Variants in HDAC9 observed in about 807,000 individuals in gnomAD.
The protein encoded by HDAC9 is histone deacetylase 9.
Under a neutral mutation model 139.4 loss-of-function variants are expected in HDAC9, and 41 were observed. That is an observed-to-expected ratio of 0.29 (90% CI 0.23 to 0.38). The LOEUF is 0.38. Among genes scored for constraint, HDAC9 ranks in the 10% least tolerant of loss-of-function variants. The pLI is 1.00. For missense variants in HDAC9, 1,147 were observed against 1,297.0 expected, an observed-to-expected ratio of 0.88 and a Z score of 1.78; for synonymous variants, 517 against 476.2, an observed-to-expected ratio of 1.09 and a Z score of -1.12.
At chr7:18,168,615 C>A (rs973076868) in intron 2 of HDAC9, among the ~76,000 whole-genome samples, 1 of 150,278 alleles carries the variant, frequency 6.7e-6, no homozygotes, top group Non-Finnish European at 1.5e-5. Context: ...GCTTGTGTTG[C>A]AGTACTATAA....
intron 22 of HDAC9, among the ~76,000 whole-genome samples, chr7:18,895,510 G>T (rs930343609): frequency 1.3e-5 from 2 of 152,086 alleles, no homozygotes; most frequent in Non-Finnish European, 2.9e-5. Flanking sequence ...TAATCAAAAG[G>T]ACGAGAGCAT....
intron 1 of HDAC9, among the ~76,000 whole-genome samples, chr7:18,442,272 G>T (rs1791854541): frequency 6.6e-6 from 1 of 152,108 alleles, no homozygotes; most frequent in African/African-American, 2.4e-5. Context: ...GTATAAGAGT[G>T]GTTGGGAAGA....
chr7:18,346,711 A>T (rs1320472850), intron 1 of HDAC9, among the ~76,000 whole-genome samples: 1 of 152,136 alleles, frequency 6.6e-6, no homozygotes, highest in Admixed American at 6.6e-5. Context: ...GGTCAATGGG[A>T]TCGAAAGACA....
intron 1 of HDAC9, among the ~76,000 whole-genome samples, chr7:18,291,503 T>TAA (rs1797806944): frequency 6.6e-6 from 1 of 152,054 alleles, no homozygotes; most frequent in African/African-American, 2.4e-5. Context: ...GCTGGGAACA[T>TAA]AGAGTGCTCA....
At chr7:18,324,068 C>T (rs1427848832) in intron 1 of HDAC9, among the ~76,000 whole-genome samples, 2 of 151,872 alleles carry the variant, frequency 1.3e-5, no homozygotes, top group African/African-American at 2.4e-5. Flanking sequence ...AAAAGCCCCA[C>T]GTCCAAATAC....
At chr7:18,289,859 G>A (rs1026247934), upstream of HDAC9, among the ~76,000 whole-genome samples, 1 of 152,092 alleles carries the variant, frequency 6.6e-6, no homozygotes, top group African/African-American at 2.4e-5. Flanking sequence ...TTCAGAGGAT[G>A]TCTAATTTTC....
At chr7:18,454,156 G>T (rs1162793251) in intron 1 of HDAC9, among the ~76,000 whole-genome samples, 6 of 152,040 alleles carry the variant, frequency 3.9e-5, no homozygotes, top group Non-Finnish European at 8.8e-5. Context: ...TCTAGGAATT[G>T]TCCGATACAT....
At chr7:18,507,373 T>G (rs1800119695) in intron 2 of HDAC9, among the ~76,000 whole-genome samples, 1 of 151,428 alleles carries the variant, frequency 6.6e-6, no homozygotes, top group Non-Finnish European at 1.5e-5. Flanking sequence ...TTTTGTATTT[T>G]TAGTAGAGAC....
chr7:18,902,124 T>G (rs1463098039), intron 22 of HDAC9, among the ~76,000 whole-genome samples: 1 of 152,232 alleles, frequency 6.6e-6, no homozygotes, highest in African/African-American at 2.4e-5. Context: ...TCAGGGAGAA[T>G]GTACTGCATC....
intron 1 of HDAC9, among the ~76,000 whole-genome samples, chr7:18,477,019 A>T (rs373650929): frequency 1.3e-5 from 2 of 152,242 alleles, no homozygotes; most frequent in African/African-American, 4.8e-5. Flanking sequence ...CCACTTACAA[A>T]TATAGGAATT....
intron 6 of HDAC9, among the ~76,000 whole-genome samples, chr7:18,598,614 A>G (rs141273614): frequency 2.1e-3 from 321 of 152,352 alleles, no homozygotes; most frequent in African/African-American, 6.9e-3. Flanking sequence ...TTAGGATCAT[A>G]CCTAGGATTT....
At position 18,343,877 on chromosome 7, in the gene HDAC9, ATATT is replaced by A. The variant is rs563917300; in HGVS notation, c.-42+53368_-42+53371del. 3.0e-3 allele frequency among the ~76,000 whole-genome samples: 459 copies of A among 152,026 alleles called. 2 individuals carry two copies. The highest frequency in any genetic ancestry group is 0.011 in the African/African-American group (438 of 41,548). ...TTTTATCAAAAAGTAAGCATAGATGATATTTATTTTAGGATACCCACTAAAGTAA... is the reference window on the plus strand; with the variant it reads ...TTTTATCAAAAAGTAAGCATAGATGATATTTTAGGATACCCACTAAAGTAA... On this transcript the variant is annotated intron_variant, in intron 1 of 3. Transcript: ENST00000413509.
chr7:18,157,901 C>T (rs1470586239), intron 1 of HDAC9, among the ~76,000 whole-genome samples: 1 of 148,372 alleles, frequency 6.7e-6, no homozygotes, highest in African/African-American at 2.5e-5. Context: ...GCACAGTAAG[C>T]ATTTCCCACC....
chr7:18,967,599 T>C (rs1017942448), intron 24 of HDAC9, among the ~76,000 whole-genome samples: 1 of 151,564 alleles, frequency 6.6e-6, no homozygotes, highest in African/African-American at 2.4e-5. Flanking sequence ...TGGTTTTGCA[T>C]TGATATACAA....
intron 22 of HDAC9, among the ~76,000 whole-genome samples, chr7:18,882,786 G>T (rs1370152175): frequency 6.6e-6 from 1 of 152,022 alleles, no homozygotes; most frequent in Non-Finnish European, 1.5e-5. Flanking sequence ...GTGAAAGTCT[G>T]GGTGTTTAGA....
intron 2 of HDAC9, among the ~76,000 whole-genome samples, chr7:18,216,728 GT>G (rs900024948): frequency 5.9e-5 from 9 of 152,030 alleles, no homozygotes; most frequent in African/African-American, 1.9e-4. Context: ...ATGCTGTTGG[GT>G]TTGGAATGTA....
intron 1 of HDAC9, among the ~76,000 whole-genome samples, chr7:18,420,648 C>T (rs1414533818): frequency 6.6e-6 from 1 of 152,166 alleles, no homozygotes; most frequent in Non-Finnish European, 1.5e-5. Context: ...CAATTTCTGG[C>T]AGACATTCTT....
chr7:18,320,322 C>T (rs932010808), intron 1 of HDAC9, among the ~76,000 whole-genome samples: 4 of 152,170 alleles, frequency 2.6e-5, no homozygotes, highest in East Asian at 1.9e-4. Context: ...CACAAGGCTT[C>T]GAAATCTGTC....
chr7:18,942,213 A>G (rs1204533508), intron 23 of HDAC9, among the ~76,000 whole-genome samples: 1 of 152,114 alleles, frequency 6.6e-6, no homozygotes, highest in Non-Finnish European at 1.5e-5. Flanking sequence ...TTTTAACTAC[A>G]GAGATCGAGG....
Sources: allele counts gnomAD v4.1 joint callset (sites outside exome capture counted in the v4.1 genomes callset), GRCh38; gene constraint gnomAD v4.1.1; transcripts MANE v1.5; gene names NCBI Gene and HGNC (gene_info 2026-07-23, HGNC 2026-07-21).